The following PSMA8 variants were observed in gnomAD, a reference collection of about 807,000 sequenced individuals.
PSMA8 encodes proteasome 20S subunit alpha 8.
In PSMA8, 18 loss-of-function variants were observed where a neutral mutation model predicts 32.4. The observed-to-expected ratio is 0.56, with a 90% CI of 0.38 to 0.82. The LOEUF (loss-of-function observed/expected upper bound fraction) is 0.82, where lower values mean the gene tolerates loss of function less well. PSMA8 is among the 40% of genes least tolerant of loss of function. The probability of loss-of-function intolerance (pLI) is 0.00; values close to 1 mark genes in which losing one functional copy is unlikely to be tolerated. For missense variants in PSMA8, 298 were observed against 300.7 expected, an observed-to-expected ratio of 0.99 and a Z score of 0.07; for synonymous variants, 104 against 98.1, an observed-to-expected ratio of 1.06 and a Z score of -0.36.
chr18:26,180,841 C>T (rs921589669), intron 6 of PSMA8, among the ~76,000 whole-genome samples: 8 of 152,106 alleles, frequency 5.3e-5, no homozygotes, highest in African/African-American at 1.9e-4. Context: ...GGGAATAGAA[C>T]ACATGCTTTG....
intron 4 of PSMA8, 126 bp from the exon 5 acceptor site, chr18:26,178,702 CTG>C: frequency 1.3e-6 from 1 of 777,426 alleles, no homozygotes; most frequent in South Asian, 2.1e-5. Context: ...GTTTTCAAAT[CTG>C]TAATTTTCAT....
intron 1 of PSMA8, among the ~76,000 whole-genome samples, chr18:26,138,803 T>C (rs1400390204): frequency 6.6e-6 from 1 of 152,192 alleles, no homozygotes; most frequent in Non-Finnish European, 1.5e-5. Flanking sequence ...GTATACTTGT[T>C]ACAATTTGAT....
At position 26,190,253 on chromosome 18, in the gene PSMA8, C is replaced by A. The variant is rs2055391103; in HGVS notation, c.661-2066C>A. The stretch of plus-strand genomic sequence containing the variant: ...ACAACAGGGTAACTATAGTCAATAA[C>A]AATTTAATTGTACATTTTAAGATAA... On this transcript the variant is annotated intron_variant, in intron 6 of 6. Coordinates refer to ENST00000415576, the MANE Select transcript of PSMA8 (RefSeq NM_001025096.2). Among the ~76,000 whole-genome samples the A allele has an allele frequency of 3.9e-5, 6 of 152,138 alleles. No individual in the cohort carries two copies. The South Asian group carries it at 1.2e-3, about 32-fold the overall frequency.
intron 4 of PSMA8, among the ~76,000 whole-genome samples, chr18:26,161,931 C>T (rs1211976587): frequency 6.6e-6 from 1 of 152,076 alleles, no homozygotes; most frequent in Non-Finnish European, 1.5e-5. Context: ...CCATGAAGCT[C>T]TGCCAGTATC....
chr18:26,154,315 A>AT (rs34028585), intron 3 of PSMA8, among the ~76,000 whole-genome samples: 16,634 of 152,078 alleles, frequency 0.11, 1,472 homozygotes, highest in African/African-American at 0.26. Flanking sequence ...ATTTCTTGAA[A>AT]TTTGTTAATG....
chr18:26,139,324 C>A (rs1322460867), intron 1 of PSMA8, among the ~76,000 whole-genome samples: 3 of 152,110 alleles, frequency 2.0e-5, no homozygotes, highest in Non-Finnish European at 2.9e-5. Context: ...GTCCAACAAC[C>A]CAGGGGAACT....
At chr18:26,188,482 A>T (rs952932150) in intron 6 of PSMA8, among the ~76,000 whole-genome samples, 12 of 151,466 alleles carry the variant, frequency 7.9e-5, no homozygotes, top group Non-Finnish European at 1.0e-4. Context: ...ACAGAAATAT[A>T]AAAAAAAATC....
chr18:26,174,907 AC>A (rs2055252087), intron 4 of PSMA8, among the ~76,000 whole-genome samples: 1 of 152,216 alleles, frequency 6.6e-6, no homozygotes. Flanking sequence ...GATTACTTGA[AC>A]GTAGAGCCCT....
intron 4 of PSMA8, among the ~76,000 whole-genome samples, chr18:26,161,774 T>C (rs2055137719): frequency 6.6e-6 from 1 of 152,128 alleles, no homozygotes; most frequent in Non-Finnish European, 1.5e-5. Context: ...TTCAGTTAAG[T>C]CCATAGGTGG....
chr18:26,171,330 C>A, intron 4 of PSMA8: 1 of 1,469,428 alleles, frequency 6.8e-7, no homozygotes. Context: ...TACAGCAGAA[C>A]GCGCGGTCAA....
chr18:26,180,955 A>G (rs2055306129), intron 6 of PSMA8, among the ~76,000 whole-genome samples: 1 of 152,196 alleles, frequency 6.6e-6, no homozygotes, highest in Non-Finnish European at 1.5e-5. Flanking sequence ...TCCCTATAAA[A>G]TGAGTCTAAC....
chr18:26,180,575 T>A (rs2144348032), intron 6 of PSMA8, among the ~76,000 whole-genome samples: 1 of 152,132 alleles, frequency 6.6e-6, no homozygotes, highest in African/African-American at 2.4e-5. Flanking sequence ...TATCCAGGTT[T>A]TTGTCACCCC....
chr18:26,151,938 G>T lies in PSMA8; in HGVS notation c.310G>T (p.Val104Phe). The T allele has an allele frequency of 6.2e-7, 1 of 1,612,268 alleles. No homozygotes were observed. Among genetic ancestry groups the T allele is most frequent in the Non-Finnish European group, 8.5e-7 (1 of 1,179,386 alleles). The change falls in exon 3 of 7, where the codon GTC (valine) becomes TTC (phenylalanine). Residue 104 changes from valine to phenylalanine, a missense_variant. Transcript: ENST00000415576. ...CCATAAGCTTACGGTTGAGGACCCA[G>T]TCACTGTAGAATACATAACTCGCTT... ...QSHKLTVEDP[V>F]TVEYITRFIA...
chr18:26,134,896 G>A (rs901840432), intron 1 of PSMA8, among the ~76,000 whole-genome samples: 3 of 152,020 alleles, frequency 2.0e-5, no homozygotes, highest in Non-Finnish European at 4.4e-5. Flanking sequence ...AGAGGTTGCG[G>A]TGAGCCGAGA....
At chr18:26,166,296 A>C (rs1401442745) in intron 4 of PSMA8, among the ~76,000 whole-genome samples, 1 of 151,740 alleles carries the variant, frequency 6.6e-6, no homozygotes, top group Non-Finnish European at 1.5e-5. Context: ...TTAGGTAAAA[A>C]CTATTTTCCT....
intron 2 of PSMA8, 150 bp downstream of exon 2, chr18:26,144,835 T>C: frequency 1.6e-6 from 1 of 612,236 alleles, no homozygotes; most frequent in Non-Finnish European, 2.5e-6. Flanking sequence ...AATACTAACT[T>C]TGTAAACCAG....
At chr18:26,153,802 T>A (rs2055064841) in intron 3 of PSMA8, among the ~76,000 whole-genome samples, 1 of 152,238 alleles carries the variant, frequency 6.6e-6, no homozygotes, top group East Asian at 1.9e-4. Context: ...CACAATAATA[T>A]GAACTTCGTT....
intron 2 of PSMA8, among the ~76,000 whole-genome samples, chr18:26,151,447 G>T (rs1262326643): frequency 6.6e-6 from 1 of 152,244 alleles, no homozygotes; most frequent in East Asian, 1.9e-4. Flanking sequence ...GCAAGGTCAA[G>T]TGTTTTCTAT....
At chr18:26,187,030 A>C (rs974571295) in intron 6 of PSMA8, among the ~76,000 whole-genome samples, 4 of 152,180 alleles carry the variant, frequency 2.6e-5, no homozygotes, top group Non-Finnish European at 5.9e-5. Context: ...TTTCTCATTT[A>C]ATGCCAGGAT....
Sources: gnomAD v4.1 joint callset for allele counts (sites outside exome capture counted in the v4.1 genomes callset) on GRCh38, gnomAD v4.1.1 for gene constraint, MANE v1.5 for transcripts, NCBI Gene and HGNC (gene_info 2026-07-23, HGNC 2026-07-21) for gene names.